Variants in RXRA observed in about 807,000 individuals in gnomAD.
RXRA encodes retinoid X receptor alpha, also known as retinoic acid receptor RXR-alpha.
Under a neutral mutation model 44.5 loss-of-function variants are expected in RXRA, and 5 were observed. The ratio of observed to expected loss-of-function variants is 0.11; its 90% CI spans 0.06 to 0.24. The LOEUF (loss-of-function observed/expected upper bound fraction) is 0.24. Among genes scored for constraint, RXRA ranks in the 10% least tolerant of loss-of-function variants. The pLI, the probability that RXRA is intolerant of heterozygous loss-of-function variation, is 1.00. For synonymous variants in RXRA, 291 were observed against 271.4 expected, an observed-to-expected ratio of 1.07 and a Z score of -0.71; for missense variants, 412 against 646.5, an observed-to-expected ratio of 0.64 and a Z score of 3.93.
chr9:134,401,462 C>A, intron 1 of RXRA, 170 bp from the exon 2 acceptor site: 1 of 1,010,620 alleles, frequency 9.9e-7, no homozygotes. Flanking sequence ...CACACCTGGC[C>A]CGTAGTGAGT....
intron 2 of RXRA, chr9:134,402,185 CTCAG>C (rs1830974875): frequency 9.2e-6 from 4 of 432,516 alleles, no homozygotes; most frequent in African/African-American, 4.1e-5. Flanking sequence ...GACTGGGGGA[CTCAG>C]CAGAGAGAGG....
chr9:134,374,223 C>A (rs1182765051), intron 1 of RXRA: 1 of 152,322 alleles, frequency 6.6e-6, no homozygotes. Context: ...GAGAGCGATG[C>A]AGCCAGGACT....
chr9:134,382,188 C>T (rs1159698295), intron 1 of RXRA, among the ~76,000 whole-genome samples: 1 of 151,626 alleles, frequency 6.6e-6, no homozygotes, highest in African/African-American at 2.4e-5. Context: ...GTTACCCTCC[C>T]CCTGGGCTGG....
chr9:134,409,866 G>T (rs1353169121), intron 4 of RXRA, among the ~76,000 whole-genome samples: 1 of 152,196 alleles, frequency 6.6e-6, no homozygotes, highest in East Asian at 1.9e-4. Flanking sequence ...GCTGTCTGGG[G>T]TGAAGATCTG....
chr9:134,381,038 G>A (rs1830637246), intron 1 of RXRA, among the ~76,000 whole-genome samples: 1 of 152,176 alleles, frequency 6.6e-6, no homozygotes, highest in Non-Finnish European at 1.5e-5. Flanking sequence ...AACCCGGTGG[G>A]GCCTCAGGCC....
chr9:134,354,275 T>C (rs1564266909), intron 1 of RXRA, among the ~76,000 whole-genome samples: 1 of 152,170 alleles, frequency 6.6e-6, no homozygotes, highest in Non-Finnish European at 1.5e-5. Context: ...TAATCTAATG[T>C]CTCCCTTCTA....
At chr9:134,434,357 G>T in intron 9 of RXRA, 150 bp downstream of exon 9, 2 of 613,168 alleles carry the variant, frequency 3.3e-6, no homozygotes, top group Non-Finnish European at 2.9e-6. Flanking sequence ...GCAGCAGGAG[G>T]TCCTCCAGGC....
intron 4 of RXRA, among the ~76,000 whole-genome samples, chr9:134,411,949 T>G (rs753644175): frequency 6.6e-6 from 1 of 152,142 alleles, no homozygotes; most frequent in African/African-American, 2.4e-5. Flanking sequence ...GCACTCGCCC[T>G]GCAGGGACCC....
At chr9:134,351,830 T>C (rs1202816119) in intron 1 of RXRA, among the ~76,000 whole-genome samples, 1 of 152,188 alleles carries the variant, frequency 6.6e-6, no homozygotes, top group Non-Finnish European at 1.5e-5. Flanking sequence ...GTGCGGGGCC[T>C]CGGAGAGATT....
intron 2 of RXRA, chr9:134,406,392 C>T (rs1297004160): frequency 7.6e-5 from 9 of 118,224 alleles, no homozygotes; most frequent in Admixed American, 5.6e-4. Context: ...GACCCTGTTT[C>T]GGAAAAAAAA....
In RXRA at chr9:134,402,265, C is replaced by A. The variant is rs34166620; in HGVS notation, c.279+383C>A. The A allele has an allele frequency of 4.3e-3, 1,007 of 235,556 alleles. 10 individuals are homozygous for A. The highest frequency in any genetic ancestry group is 0.019 in the African/African-American group (832 of 43,676). The allele number at this position is 235,556 out of a possible 1,614,324, so 14.6% of individuals were successfully genotyped here. A position where few individuals can be genotyped will look rare whatever the true frequency, so the allele number is the denominator to read the frequency against. ...TTGTGCCCACACAGCCTGGGTCCTC[C>A]CCTGAAGTCTCTGCTTACACCCAGG... On this transcript the variant is annotated intron_variant, in intron 2 of 9. Coordinates refer to ENST00000481739, the MANE Select transcript of RXRA (RefSeq NM_002957.6).
rs144266646 is a variant in RXRA, at chr9:134,423,685, G to A, written c.910+1880G>A. Reference sequence around the variant, plus strand: ...GGCCTGAGGCATGTGGCTGTCTGCCGTTGCGGGCTCAGACTTCTTTCAGGG... The same window carrying A: ...GGCCTGAGGCATGTGGCTGTCTGCCATTGCGGGCTCAGACTTCTTTCAGGG... On this transcript the variant is annotated intron_variant, in intron 6 of 9. Transcript: ENST00000481739. 451 of 985,482 alleles carry A rather than the reference G, an allele frequency of 4.6e-4. No individual in the cohort carries two copies. In the Middle Eastern group the frequency reaches 8.4e-3, roughly 18 times the overall value. 61.0% of individuals were successfully genotyped at this position (985,482 alleles called of 1,614,324 possible). A position where few individuals can be genotyped will look rare whatever the true frequency, so the allele number is the denominator to read the frequency against.
At chr9:134,348,798 C>T (rs974393018) in intron 1 of RXRA, among the ~76,000 whole-genome samples, 1 of 94,802 alleles carries the variant, frequency 1.1e-5, no homozygotes, top group Non-Finnish European at 2.0e-5. Flanking sequence ...GAAGACTTCC[C>T]GGACGCTGGA....
In RXRA at chr9:134,408,448, C is replaced by T. The variant is rs921268932; in HGVS notation, c.430+149C>T. ...GCAGGTGCCTGGGCCATGCCCCACT[C>T]CCAGGGCTCCGCGAGGCCATTCCAG... On this transcript the variant is annotated intron_variant, in intron 3 of 9. Transcript: ENST00000481739. 3.7e-6 allele frequency: 3 copies of T among 807,080 alleles called. No individual in the cohort carries two copies. The South Asian group carries it at 6.0e-5, about 16-fold the overall frequency. The allele number at this position is 807,080 out of a possible 1,614,324, so 50.0% of individuals were successfully genotyped here.
intron 1 of RXRA, among the ~76,000 whole-genome samples, chr9:134,329,870 A>G (rs1834976095): frequency 6.6e-6 from 1 of 152,024 alleles, no homozygotes; most frequent in Non-Finnish European, 1.5e-5. Context: ...TTGCTGTGGA[A>G]TTACTGTGGG....
intron 1 of RXRA, among the ~76,000 whole-genome samples, chr9:134,340,576 C>G (rs895819373): frequency 6.6e-6 from 1 of 152,158 alleles, no homozygotes; most frequent in African/African-American, 2.4e-5. Context: ...TCACCGACCA[C>G]CCGAAGCACT....
chr9:134,333,572 T>C (rs1290832287), intron 1 of RXRA, among the ~76,000 whole-genome samples: 7 of 152,098 alleles, frequency 4.6e-5, no homozygotes, highest in Non-Finnish European at 8.8e-5. Context: ...CCAGCCGCCA[T>C]GGATAAACCC....
At chr9:134,415,898 G>A (rs1171474153) in intron 4 of RXRA, among the ~76,000 whole-genome samples, 2 of 152,206 alleles carry the variant, frequency 1.3e-5, no homozygotes, top group African/African-American at 4.8e-5. Flanking sequence ...TTCTGGCTCT[G>A]CGGTTTACTC....
chr9:134,412,003 C>T (rs1164349353), intron 4 of RXRA, among the ~76,000 whole-genome samples: 2 of 152,212 alleles, frequency 1.3e-5, no homozygotes, highest in Non-Finnish European at 2.9e-5. Flanking sequence ...GCACCCTCCT[C>T]CCCGGCCTGC....
Sources: gnomAD v4.1 joint callset for allele counts (sites outside exome capture counted in the v4.1 genomes callset) on GRCh38, gnomAD v4.1.1 for gene constraint, MANE v1.5 for transcripts, NCBI Gene and HGNC (gene_info 2026-07-23, HGNC 2026-07-21) for gene names.